The following RMDN3 variants were observed in gnomAD, a reference collection of about 807,000 sequenced individuals.
RMDN3 encodes regulator of microtubule dynamics 3.
In RMDN3, 41 loss-of-function variants were observed where a neutral mutation model predicts 61.8. The ratio of observed to expected loss-of-function variants is 0.66; its 90% confidence interval spans 0.52 to 0.86. RMDN3 has a LOEUF of 0.86. Ranked by LOEUF, RMDN3 falls within the 40% of genes least tolerant of loss-of-function variation. The pLI is 0.00. For missense variants in RMDN3, 557 were observed against 585.3 expected (o/e 0.95, Z 0.50); for synonymous variants, 247 against 232.0 (o/e 1.06, Z -0.59).
rs553262858 is a variant in RMDN3, at chr15:40,741,620, A to ATTTTTTTTTTTTTTTTTTTTT, written c.911-1448_911-1428dup. ...ACTGGAGAAGACACTGCAACATAGG[A>ATTTTTTTTTTTTTTTTTTTTT]TTTTTTTTTTTTTTTTTTTTTTTTT... is the stretch of plus-strand genomic sequence containing the variant. On this transcript the variant is annotated intron_variant, in intron 6 of 12. Transcript: ENST00000338376. 4.5e-4 allele frequency among the ~76,000 whole-genome samples: 32 copies of ATTTTTTTTTTTTTTTTTTTTT among 71,734 alleles called. 6 individuals are homozygous for ATTTTTTTTTTTTTTTTTTTTT. The highest frequency in any genetic ancestry group is 1.0e-3 in the African/African-American group (20 of 19,052). The allele number at this position is 71,734 out of a possible 152,430, so 47.1% of individuals were successfully genotyped here.
Position 40,744,989 on chromosome 15 carries a change from G to A in RMDN3, c.795C>T (p.Asn265=), listed in dbSNP as rs753052416. 3.1e-6 allele frequency: 5 copies of A among 1,603,366 alleles called. No homozygotes were observed. The Admixed American group carries it at 8.5e-5, about 27-fold the overall frequency. ...GKREGFQLLL[N]NKLVYGSRQD... is the part of the protein sequence containing the mutation. ...GCTGGAGCCTCACCACCAGCTTGTT[G>A]TTGAGCAGCAGCTGGAAGCCCTCCC... The change falls in exon 5 of 13, where the codon AAC becomes AAT. Residue 265 remains asparagine (N), a synonymous_variant. Transcript: ENST00000338376.
At chr15:40,746,870 A>G (rs1201053816) in intron 4 of RMDN3, among the ~76,000 whole-genome samples, 1 of 151,540 alleles carries the variant, frequency 6.6e-6, no homozygotes, top group Non-Finnish European at 1.5e-5. Context: ...TTTCCCCTTT[A>G]GTTATTAGAA....
intron 10 of RMDN3, 88 bp downstream of exon 10, chr15:40,737,540 A>T: frequency 7.7e-7 from 1 of 1,300,442 alleles, no homozygotes; most frequent in South Asian, 1.2e-5. Flanking sequence ...CGACTAGGAA[A>T]ACCCCTCCCA....
chr15:40,752,535 A>C (rs1237233307), intron 2 of RMDN3, among the ~76,000 whole-genome samples: 2 of 152,164 alleles, frequency 1.3e-5, no homozygotes, highest in Non-Finnish European at 2.9e-5. Context: ...CCCAATACCA[A>C]GGAGTCAATA....
chr15:40,741,294 C>T (rs1897267012), intron 6 of RMDN3, among the ~76,000 whole-genome samples: 1 of 151,910 alleles, frequency 6.6e-6, no homozygotes, highest in Non-Finnish European at 1.5e-5. Context: ...TAGCTTGGGA[C>T]CAAGAGTTCA....
intron 4 of RMDN3, among the ~76,000 whole-genome samples, chr15:40,746,531 AAAAG>A (rs1171391895): frequency 6.6e-6 from 1 of 151,982 alleles, no homozygotes; most frequent in Non-Finnish European, 1.5e-5. Flanking sequence ...AAAAAAAAAA[AAAAG>A]AATAGGCTCC....
intron 5 of RMDN3, 91 bp from the exon 6 acceptor site, chr15:40,744,240 T>A: frequency 1.7e-6 from 2 of 1,198,066 alleles, no homozygotes; most frequent in Non-Finnish European, 2.4e-6. Flanking sequence ...AGGTTTGAAT[T>A]TCCAAGCTAG....
chr15:40,753,112 A>G (rs1897895618), intron 2 of RMDN3, among the ~76,000 whole-genome samples: 2 of 152,226 alleles, frequency 1.3e-5, no homozygotes, highest in Admixed American at 6.5e-5. Flanking sequence ...TAAAATGCTG[A>G]CAATCATTTG....
In RMDN3 at chr15:40,736,281, G is replaced by A. The variant is rs545954630; in HGVS notation, c.*260C>T. Reference sequence around the variant, plus strand: ...AGGCTCTACCCATGTGTAATCCTGGGGCAGGTGTGAATCTTGATTTTTTTA... The same window carrying A: ...AGGCTCTACCCATGTGTAATCCTGGAGCAGGTGTGAATCTTGATTTTTTTA... On this transcript the variant is annotated 3_prime_UTR_variant, in exon 13 of 13. Transcript: ENST00000338376. 5.3e-4 allele frequency: 248 copies of A among 466,840 alleles called. No individual in the cohort carries two copies. The highest frequency in any genetic ancestry group is 4.4e-3 in the African/African-American group (218 of 49,782). The allele number at this position is 466,840 out of a possible 1,614,324, so 28.9% of individuals were successfully genotyped here.
chr15:40,742,396 C>T (rs545958403), intron 6 of RMDN3, among the ~76,000 whole-genome samples: 41 of 152,212 alleles, frequency 2.7e-4, no homozygotes, highest in Middle Eastern at 3.4e-3. Flanking sequence ...CAATGAGGGA[C>T]GCTGCCTCTT....
intron 6 of RMDN3, among the ~76,000 whole-genome samples, chr15:40,743,417 TAAA>T (rs11300441): frequency 2.1e-5 from 3 of 144,684 alleles, no homozygotes; most frequent in Admixed American, 6.9e-5. Flanking sequence ...AAAGACTGTT[TAAA>T]AAAAAAAAAA....
intron 12 of RMDN3, 81 bp from the exon 13 acceptor site, chr15:40,736,675 C>G (rs1897062410): frequency 8.4e-6 from 10 of 1,194,704 alleles, no homozygotes; most frequent in Non-Finnish European, 1.2e-5. Flanking sequence ...GAAGAGGGGC[C>G]CTTTGCTTCC....
chr15:40,736,512 A>G lies in RMDN3; in HGVS notation c.*29T>C. The G allele has an allele frequency of 1.2e-6, 2 of 1,609,182 alleles. No individual in the cohort carries two copies. Among genetic ancestry groups the G allele is most frequent in the Non-Finnish European group, 1.7e-6 (2 of 1,175,654 alleles). ...CCGCCCCCCCACCTTAAATAGTGGC[A>G]TCAAGTCATGAAGGCCAGTGAAACG... On this transcript the variant is annotated 3_prime_UTR_variant, in exon 13 of 13. Transcript: ENST00000338376.
chr15:40,744,162 C>A lies in RMDN3; in HGVS notation c.808-13G>T, dbSNP rs1555431114. ...GCCGGCTTCCATACTGCAGACCAGACAGAAACGGGTGAGGCCCCTTTTTCC... is the reference window on the plus strand; with the variant it reads ...GCCGGCTTCCATACTGCAGACCAGAAAGAAACGGGTGAGGCCCCTTTTTCC... On this transcript the variant is annotated splice_polypyrimidine_tract_variant and intron_variant, in intron 5 of 12. Transcript: ENST00000338376. 1.2e-6 allele frequency: 2 copies of A among 1,612,428 alleles called. No homozygotes were observed. The highest frequency in any genetic ancestry group is 2.2e-5 in the South Asian group (2 of 91,072).
At chr15:40,743,503 T>G (rs895708637) in intron 6 of RMDN3, among the ~76,000 whole-genome samples, 2 of 151,328 alleles carry the variant, frequency 1.3e-5, no homozygotes, top group Admixed American at 6.6e-5. Context: ...GTGTGTGGAG[T>G]TCAGCAGGAC....
intron 4 of RMDN3, among the ~76,000 whole-genome samples, chr15:40,748,071 C>G (rs1200075338): frequency 6.6e-6 from 1 of 152,162 alleles, no homozygotes; most frequent in Non-Finnish European, 1.5e-5. Flanking sequence ...TGGTACAATG[C>G]CCGGGGAACA....
chr15:40,754,477 A>G, intron 2 of RMDN3, 120 bp downstream of exon 2: 1 of 1,054,332 alleles, frequency 9.5e-7, no homozygotes, highest in Middle Eastern at 2.2e-4. Context: ...AAGCTTCCAA[A>G]AAAGTGAAAC....
chr15:40,737,913 G>A (rs147774712), intron 9 of RMDN3, 52 bp downstream of exon 9: 48 of 1,581,006 alleles, frequency 3.0e-5, no homozygotes, highest in Admixed American at 6.7e-5. Context: ...CAAGGAAATC[G>A]GTGTCAGAAG....
intron 4 of RMDN3, among the ~76,000 whole-genome samples, chr15:40,746,730 T>TG (rs1897581845): frequency 6.6e-6 from 1 of 152,182 alleles, no homozygotes; most frequent in Non-Finnish European, 1.5e-5. Flanking sequence ...CCGTGCTGAC[T>TG]GCATCCTTAC....
Sources: gnomAD v4.1 joint callset for allele counts (sites outside exome capture counted in the v4.1 genomes callset) on GRCh38, gnomAD v4.1.1 for gene constraint, MANE v1.5 for transcripts, NCBI Gene and HGNC (gene_info 2026-07-23, HGNC 2026-07-21) for gene names.